Variants in LRRTM4 observed in about 807,000 individuals in gnomAD.
The protein encoded by LRRTM4 is leucine-rich repeat transmembrane neuronal protein 4.
Under a neutral mutation model 47.6 loss-of-function variants are expected in LRRTM4, and 25 were observed. That is an observed-to-expected ratio of 0.53 (90% confidence interval 0.38 to 0.73). The LOEUF is 0.73. Ranked by LOEUF, LRRTM4 falls within the 30% of genes least tolerant of loss-of-function variation. The pLI is 0.00. For missense variants in LRRTM4, 638 were observed against 713.4 expected, an observed-to-expected ratio of 0.89 and a Z score of 1.20; for synonymous variants, 311 against 269.5, an observed-to-expected ratio of 1.15 and a Z score of -1.51.
intron 3 of LRRTM4, among the ~76,000 whole-genome samples, chr2:77,161,412 C>T (rs1260472392): frequency 3.3e-5 from 5 of 152,134 alleles, no homozygotes; most frequent in African/African-American, 9.7e-5. Flanking sequence ...GATGCCTCAG[C>T]GAGGTGGCTT....
chr2:77,323,213 T>C lies in LRRTM4; in HGVS notation c.1551+195105A>G, dbSNP rs1670610463. Reference sequence around the variant, plus strand: ...GTGATTGCTTTCTGATTAAAGTTATTCCAAACAGATTAAATGCCAGAAATT... The same window carrying C: ...GTGATTGCTTTCTGATTAAAGTTATCCCAAACAGATTAAATGCCAGAAATT... On this transcript the variant is annotated intron_variant, in intron 3 of 3. Transcript: ENST00000409884. 2.0e-5 allele frequency among the ~76,000 whole-genome samples: 3 copies of C among 152,066 alleles called. No homozygotes were observed. In the South Asian group the frequency reaches 6.2e-4, roughly 32 times the overall value.
chr2:77,375,556 A>G (rs898309021), intron 3 of LRRTM4, among the ~76,000 whole-genome samples: 1 of 151,836 alleles, frequency 6.6e-6, no homozygotes, highest in Non-Finnish European at 1.5e-5. Context: ...ATCATCTTGT[A>G]TAACTGAAAA....
At chr2:77,072,800 C>CAAAAAAAAAAAAAAAAAA (rs373786120) in intron 3 of LRRTM4, among the ~76,000 whole-genome samples, 1 of 78,742 alleles carries the variant, frequency 1.3e-5, no homozygotes, top group African/African-American at 5.0e-5. Context: ...CTCCGTCTTC[C>CAAAAAAAAAAAAAAAAAA]AAAAAAAAAA....
chr2:76,791,416 A>G (rs919841411), intron 3 of LRRTM4, among the ~76,000 whole-genome samples: 2 of 152,232 alleles, frequency 1.3e-5, no homozygotes, highest in African/African-American at 4.8e-5. Flanking sequence ...AGTTTCATAC[A>G]TAATTATGAG....
At chr2:77,158,300 C>G in intron 3 of LRRTM4, among the ~76,000 whole-genome samples, 1 of 152,258 alleles carries the variant, frequency 6.6e-6, no homozygotes, top group South Asian at 2.1e-4. Context: ...GTATTTCCCA[C>G]TAGGAGTGTG....
At chr2:77,242,258 G>T (rs574432973) in intron 3 of LRRTM4, among the ~76,000 whole-genome samples, 1 of 151,888 alleles carries the variant, frequency 6.6e-6, no homozygotes, top group Non-Finnish European at 1.5e-5. Context: ...ATATTAAGTA[G>T]GAATAAATTT....
chr2:76,835,275 A>G (rs964162864), intron 3 of LRRTM4, among the ~76,000 whole-genome samples: 4 of 148,804 alleles, frequency 2.7e-5, no homozygotes, highest in African/African-American at 9.8e-5. Flanking sequence ...GCCCTGAGAG[A>G]AAAAAACACT....
chr2:76,808,864 C>G (rs894189569), intron 3 of LRRTM4, among the ~76,000 whole-genome samples: 1 of 152,024 alleles, frequency 6.6e-6, no homozygotes, highest in Admixed American at 6.6e-5. Flanking sequence ...TGGCAATCTT[C>G]CCATTTTAAA....
intron 3 of LRRTM4, among the ~76,000 whole-genome samples, chr2:76,784,329 A>T (rs1209456972): frequency 6.6e-6 from 1 of 152,106 alleles, no homozygotes; most frequent in Non-Finnish European, 1.5e-5. Flanking sequence ...GCTTAATATC[A>T]TGAGAAAATG....
chr2:76,978,483 G>A lies in LRRTM4; in HGVS notation c.1552-229567C>T, dbSNP rs568432391. Among the ~76,000 whole-genome samples, 3 of 152,088 alleles carry A rather than the reference G, an allele frequency of 2.0e-5. No homozygotes were observed. In the East Asian group the frequency reaches 5.8e-4, roughly 30 times the overall value. ...CACATTTATTTTCTGCAATTCAAAT[G>A]CTCACTATATAACCTCTAGCTTAAG... On this transcript the variant is annotated intron_variant, in intron 3 of 3. Transcript: ENST00000409884.
At chr2:77,102,965 C>T (rs908947690) in intron 3 of LRRTM4, among the ~76,000 whole-genome samples, 1 of 152,018 alleles carries the variant, frequency 6.6e-6, no homozygotes, top group African/African-American at 2.4e-5. Context: ...GAAAGCCTAC[C>T]ATATATACTC....
intron 3 of LRRTM4, among the ~76,000 whole-genome samples, chr2:77,158,252 T>G (rs929565097): frequency 4.6e-5 from 7 of 152,158 alleles, no homozygotes; most frequent in Admixed American, 3.3e-4. Context: ...TGTCTTATTT[T>G]ACAATAAAAA....
chr2:77,033,944 G>A (rs1678749360), intron 3 of LRRTM4, among the ~76,000 whole-genome samples: 1 of 151,720 alleles, frequency 6.6e-6, no homozygotes, highest in South Asian at 2.1e-4. Flanking sequence ...CAAAGGACCA[G>A]AATATCTGAG....
intron 3 of LRRTM4, among the ~76,000 whole-genome samples, chr2:76,892,998 A>G (rs986367501): frequency 6.6e-6 from 1 of 151,484 alleles, no homozygotes; most frequent in Non-Finnish European, 1.5e-5. Context: ...CAATTTGAGG[A>G]GTATTACTTA....
chr2:77,058,253 GC>G (rs1679671950), intron 3 of LRRTM4, among the ~76,000 whole-genome samples: 1 of 151,998 alleles, frequency 6.6e-6, no homozygotes, highest in African/African-American at 2.4e-5. Context: ...TTTTTAAGTT[GC>G]TTTTGGTCAT....
rs549166783 is a variant in LRRTM4, at chr2:76,953,675, C to T, written c.1552-204759G>A. 1.6e-3 allele frequency among the ~76,000 whole-genome samples: 249 copies of T among 151,882 alleles called. 1 individual carries two copies. The highest frequency in any genetic ancestry group is 1.9e-3 in the Non-Finnish European group (129 of 67,876). On this transcript the variant is annotated intron_variant, in intron 3 of 3. Transcript: ENST00000409884. ...TGAAGCCCTGGACTACACATCATAC[C>T]ACACAGAAACCAGCACAATTCACCA... is the stretch of plus-strand genomic sequence containing the variant.
intron 3 of LRRTM4, among the ~76,000 whole-genome samples, chr2:76,800,293 G>A (rs1335289418): frequency 8.1e-5 from 12 of 147,978 alleles, no homozygotes; most frequent in East Asian, 6.0e-4. Flanking sequence ...CTCAGAAATA[G>A]TGCCGCATAT....
chr2:77,464,253 C>T (rs150305266), intron 3 of LRRTM4, among the ~76,000 whole-genome samples: 113 of 152,106 alleles, frequency 7.4e-4, no homozygotes, highest in African/African-American at 2.4e-3. Context: ...TATCATGGCC[C>T]TGGAATGCAA....
intron 3 of LRRTM4, among the ~76,000 whole-genome samples, chr2:77,456,539 T>G (rs1476574266): frequency 6.6e-6 from 1 of 152,048 alleles, no homozygotes; most frequent in Admixed American, 6.6e-5. Context: ...ATGCTCATTC[T>G]CTCTCCAACA....
Sources: gnomAD v4.1 joint callset for allele counts (sites outside exome capture counted in the v4.1 genomes callset) on GRCh38, gnomAD v4.1.1 for gene constraint, MANE v1.5 for transcripts, NCBI Gene and HGNC (gene_info 2026-07-23, HGNC 2026-07-21) for gene names.